NLRP4: variants seen among roughly 807,000 people sequenced by gnomAD.
The protein encoded by NLRP4 is NLR family pyrin domain containing 4.
In NLRP4, 44 loss-of-function variants were observed where a neutral mutation model predicts 84.7. The ratio of observed to expected loss-of-function variants is 0.52; its 90% CI spans 0.41 to 0.67. NLRP4 has a LOEUF of 0.67. Among genes scored for constraint, NLRP4 ranks in the 30% least tolerant of loss-of-function variants. The pLI is 0.00. For missense variants in NLRP4, 1,260 were observed against 1,219.4 expected (o/e 1.03, Z -0.50); for synonymous variants, 544 against 476.4 (o/e 1.14, Z -1.85).
chr19:55,854,938 G>T, intron 2 of NLRP4, among the ~76,000 whole-genome samples: 1 of 152,180 alleles, frequency 6.6e-6, no homozygotes, highest in Non-Finnish European at 1.5e-5. Context: ...TGGCCAGGCT[G>T]GTGTTGAACT....
In NLRP4 at chr19:55,849,931, G is replaced by A. The variant is rs911691707; in HGVS notation, c.-65-2085G>A. On this transcript the variant is annotated intron_variant, in intron 1 of 9. Transcript: ENST00000301295. ...TTTCCGTAGCCGCGGTGTAATTTCCGTAGCCGCGGTGTAATTTCCGAGACT... is the reference window on the plus strand; with the variant it reads ...TTTCCGTAGCCGCGGTGTAATTTCCATAGCCGCGGTGTAATTTCCGAGACT... Among the ~76,000 whole-genome samples, 78 of 142,962 alleles carry A rather than the reference G, an allele frequency of 5.5e-4. 2 individuals carry two copies. Among genetic ancestry groups the A allele is most frequent in the African/African-American group, 1.8e-3 (65 of 37,126 alleles). 93.8% of individuals were successfully genotyped at this position (142,962 alleles called of 152,430 possible).
rs11879457 is a variant in NLRP4 at position 55,877,504 on chromosome 19, C to T, written c.2696+338C>T. On this transcript the variant is annotated intron_variant, in intron 8 of 9. Transcript: ENST00000301295. The stretch of plus-strand genomic sequence containing the variant: ...GGGGATGACAGGTGTAACTGGGCCA[C>T]GTCTCATTATCTAACTGGTTGGCCT... Among the ~76,000 whole-genome samples, 848 of 152,254 alleles carry T rather than the reference C, an allele frequency of 5.6e-3. 10 individuals carry two copies. The highest frequency in any genetic ancestry group is 0.019 in the African/African-American group (810 of 41,542).
chr19:55,841,707 A>T (rs1469184533), intron 1 of NLRP4, among the ~76,000 whole-genome samples: 1 of 148,042 alleles, frequency 6.8e-6, no homozygotes, highest in Non-Finnish European at 1.5e-5. Context: ...TTAAAAATAC[A>T]AAAAAAAGTT....
At chr19:55,861,166 G>T (rs1268853714) in intron 3 of NLRP4, among the ~76,000 whole-genome samples, 1 of 152,004 alleles carries the variant, frequency 6.6e-6, no homozygotes, top group East Asian at 1.9e-4. Flanking sequence ...ATCCAAAAAG[G>T]CCTCTAGACA....
chr19:55,846,781 C>T (rs1474829024), intron 1 of NLRP4, among the ~76,000 whole-genome samples: 1 of 152,084 alleles, frequency 6.6e-6, no homozygotes, highest in Non-Finnish European at 1.5e-5. Flanking sequence ...GACTCAGATA[C>T]ATGTTCCTAT....
rs377432979 is a variant in NLRP4 at position 55,879,976 on chromosome 19, A to G, written c.2867+1012A>G. 7.2e-5 allele frequency among the ~76,000 whole-genome samples: 11 copies of G among 152,084 alleles called. No individual in the cohort carries two copies. The East Asian group carries it at 1.5e-3, about 21-fold the overall frequency. ...TTTAATTTGTTATATTTATAATTAC[A>G]TATAATCCCACAAACATTATTTTAC... On this transcript the variant is annotated intron_variant, in intron 9 of 9. Coordinates refer to ENST00000301295, the MANE Select transcript of NLRP4 (RefSeq NM_134444.5).
chr19:55,861,539 G>A lies in NLRP4; in HGVS notation c.2010G>A (p.Gln670=). The part of the protein sequence containing the change: ...NQLRHPSCRL[Q]KLGINNVSFS... ...TGAGGCATCCCAGCTGTCGCCTTCA[G>A]AAGCTTGGGTGAGTTGAGAATCGAC... Residue 670 remains glutamine (Q), a synonymous_variant, in exon 4 of 10, where the codon CAG becomes CAA. Transcript: ENST00000301295. The A allele has an allele frequency of 1.2e-6, 2 of 1,613,984 alleles. No homozygotes were observed. Among genetic ancestry groups the A allele is most frequent in the Non-Finnish European group, 1.7e-6 (2 of 1,179,916 alleles).
At chr19:55,849,410 A>G (rs558636535) in intron 1 of NLRP4, among the ~76,000 whole-genome samples, 2 of 152,312 alleles carry the variant, frequency 1.3e-5, no homozygotes, top group African/African-American at 4.8e-5. Flanking sequence ...TCACTGCAAA[A>G]TGCTGCAGAC....
chr19:55,878,479 T>TTATCCAAAAAAAG, intron 8 of NLRP4, among the ~76,000 whole-genome samples: 2 of 151,712 alleles, frequency 1.3e-5, no homozygotes, highest in East Asian at 1.9e-4. Context: ...CATTGTTATC[T>TTATCCAAAAAAAG]GAGACGGCTT....
intron 1 of NLRP4, among the ~76,000 whole-genome samples, chr19:55,847,161 G>T (rs1275336423): frequency 1.4e-4 from 22 of 151,892 alleles, no homozygotes. Context: ...TTGAGGGGGG[G>T]GCAGCAACAT....
chr19:55,871,686 A>G (rs536255896), intron 7 of NLRP4, among the ~76,000 whole-genome samples: 3 of 152,182 alleles, frequency 2.0e-5, no homozygotes, highest in African/African-American at 7.2e-5. Flanking sequence ...TCACTTGAAG[A>G]GTATGTTAAA....
At chr19:55,863,533 A>G (rs1984842159) in intron 5 of NLRP4, among the ~76,000 whole-genome samples, 2 of 152,092 alleles carry the variant, frequency 1.3e-5, no homozygotes, top group South Asian at 2.1e-4. Context: ...ACTCTGTCAC[A>G]GGAACAGCTC....
In NLRP4 at chr19:55,861,415, A is replaced by T. The variant is rs759433278; in HGVS notation, c.1886A>T (p.His629Leu). The change falls in exon 4 of 10, where the codon CAC becomes CTC. Residue 629 changes from histidine (H) to leucine (L), a missense_variant. His to Leu is a moderately conservative substitution (Grantham distance 99). Coordinates refer to ENST00000301295, the MANE Select transcript of NLRP4 (RefSeq NM_134444.5). ...TSDYSLICWH[H>L]ICSVLTTSGH... ...GATTACAGCCTCATCTGTTGGCATC[A>T]CATCTGCTCTGTGCTCACCACCAGC... The T allele has an allele frequency of 3.7e-6, 6 of 1,613,888 alleles. No individual in the cohort carries two copies. The highest frequency in any genetic ancestry group is 5.1e-6 in the Non-Finnish European group (6 of 1,179,930).
At chr19:55,849,494 T>TC (rs1983931546) in intron 1 of NLRP4, among the ~76,000 whole-genome samples, 3 of 152,006 alleles carry the variant, frequency 2.0e-5, no homozygotes, top group African/African-American at 7.2e-5. Context: ...TCCAGCAGAG[T>TC]CCCTTCCTGA....
intron 7 of NLRP4, among the ~76,000 whole-genome samples, chr19:55,874,548 A>T (rs981621495): frequency 3.3e-5 from 5 of 152,204 alleles, no homozygotes; most frequent in Admixed American, 3.3e-4. Context: ...TCAAGACTCA[A>T]TAAGCTTCTA....
intron 2 of NLRP4, among the ~76,000 whole-genome samples, chr19:55,852,630 C>G (rs914181321): frequency 6.6e-6 from 1 of 152,014 alleles, no homozygotes; most frequent in East Asian, 1.9e-4. Context: ...GCGCCTGCCA[C>G]CATGCCTGGC....
At chr19:55,873,431 A>G (rs1310683176) in intron 7 of NLRP4, among the ~76,000 whole-genome samples, 1 of 152,214 alleles carries the variant, frequency 6.6e-6, no homozygotes. Flanking sequence ...AATATGAAAC[A>G]AGATATATAT....
rs1484720720 is a variant in NLRP4 at position 55,850,826 on chromosome 19, TG to T, written c.-65-1189del. Among the ~76,000 whole-genome samples, 45 of 107,006 alleles carry T rather than the reference TG, an allele frequency of 4.2e-4. 1 individual carries two copies. The highest frequency in any genetic ancestry group is 8.0e-4 in the Admixed American group (9 of 11,274). 70.2% of individuals were successfully genotyped at this position (107,006 alleles called of 152,430 possible). A position where few individuals can be genotyped will look rare whatever the true frequency, so the allele number is the denominator to read the frequency against. On this transcript the variant is annotated intron_variant, in intron 1 of 9. Transcript: ENST00000301295. Reference sequence around the variant, plus strand: ...TGTAATTTCCGAGGCTGCGGTGTAATGTCCGAGGCTGCGGTGTAATTTACGA... The same window carrying T: ...TGTAATTTCCGAGGCTGCGGTGTAATTCCGAGGCTGCGGTGTAATTTACGA...
At chr19:55,849,889 CGTGGCCGGCGGTGT>C (rs1983962212) in intron 1 of NLRP4, among the ~76,000 whole-genome samples, 4 of 10,776 alleles carry the variant, frequency 3.7e-4, no homozygotes, top group African/African-American at 2.2e-3. Context: ...GTGTAATTTC[CGTGGCCGGCGGTGT>C]AATTTCCGTA....
Sources: allele counts gnomAD v4.1 joint callset (sites outside exome capture counted in the v4.1 genomes callset), GRCh38; gene constraint gnomAD v4.1.1; transcripts MANE v1.5; gene names NCBI Gene and HGNC (gene_info 2026-07-23, HGNC 2026-07-21).